NT5C3A: variants seen among roughly 807,000 people sequenced by gnomAD.
NT5C3A encodes the protein 5'-nucleotidase, cytosolic IIIA.
A neutral mutation model predicts 40.0 loss-of-function variants in NT5C3A; 23 were observed. The ratio of observed to expected loss-of-function variants is 0.58; its 90% CI spans 0.41 to 0.81. The LOEUF is 0.81. Ranked by LOEUF, NT5C3A falls within the 40% of genes least tolerant of loss-of-function variation. The pLI is 0.00. For missense variants in NT5C3A, 328 were observed against 403.0 expected, an observed-to-expected ratio of 0.81 and a Z score of 1.59; for synonymous variants, 130 against 141.4, an observed-to-expected ratio of 0.92 and a Z score of 0.57.
chr7:33,017,359 A>ATC, intron 7 of NT5C3A, 80 bp downstream of exon 7: 1 of 1,162,018 alleles, frequency 8.6e-7, no homozygotes, highest in Admixed American at 2.1e-5. Context: ...TAGGATATAT[A>ATC]TTAAGTAACA....
rs766464167 is a variant in NT5C3A at position 33,014,808 on chromosome 7, G to A, written c.918C>T (p.Tyr306=). The change falls in exon 9 of 9, where the codon TAC becomes TAT. Residue 306 remains tyrosine (Y), a synonymous_variant. Coordinates refer to ENST00000610140, the MANE Select transcript of NT5C3A (RefSeq NM_001002010.5). ...CTAAAACAATATCATAAGAGTCCAT[G>A]TACTTTTCTAAAAGCTCATCCACCT... ...NDRVDELLEK[Y]MDSYDIVLVQ... is the part of the protein sequence containing the mutation. 2 of 1,612,774 alleles carry A rather than the reference G, an allele frequency of 1.2e-6. No homozygotes were observed. The highest frequency in any genetic ancestry group is 1.7e-6 in the Non-Finnish European group (2 of 1,179,658).
intron 1 of NT5C3A, among the ~76,000 whole-genome samples, chr7:33,030,658 G>T (rs1033611799): frequency 2.0e-5 from 3 of 152,146 alleles, no homozygotes; most frequent in Non-Finnish European, 2.9e-5. Flanking sequence ...AAATGATTAA[G>T]AAAGACCTAA....
chr7:33,054,051 C>T (rs1300526817), intron 1 of NT5C3A, among the ~76,000 whole-genome samples: 1 of 74,010 alleles, frequency 1.4e-5, no homozygotes, highest in Admixed American at 1.5e-4. Context: ...TGAATATAGC[C>T]TTTGATAATG....
chr7:33,061,676 A>T (rs1787784508), intron 1 of NT5C3A, among the ~76,000 whole-genome samples: 1 of 152,146 alleles, frequency 6.6e-6, no homozygotes, highest in Non-Finnish European at 1.5e-5. Context: ...TTTAGTGTAG[A>T]TTTTAAATTT....
At chr7:33,042,309 A>G (rs1234714835) in intron 1 of NT5C3A, among the ~76,000 whole-genome samples, 2 of 152,166 alleles carry the variant, frequency 1.3e-5, no homozygotes, top group Non-Finnish European at 2.9e-5. Context: ...CAGCCCAGGC[A>G]ACAAGAGCAA....
rs1207971094 is a variant in NT5C3A, at chr7:33,039,563, T to TTTTTTTG, written c.139-12649_139-12648insCAAAAAA. On this transcript the variant is annotated intron_variant, in intron 1 of 8. Coordinates refer to ENST00000610140, the MANE Select transcript of NT5C3A (RefSeq NM_001002010.5). ...GACTTTCTTAAGCTTGGGTTTTTTG[T>TTTTTTTG]TTTTTTTTTTTTTTAATGTTACTGT... Among the ~76,000 whole-genome samples the TTTTTTTG allele has an allele frequency of 5.2e-5, 7 of 134,440 alleles. No homozygotes were observed. The South Asian group carries it at 9.2e-4, about 18-fold the overall frequency. The allele number at this position is 134,440 out of a possible 152,430, so 88.2% of individuals were successfully genotyped here.
intron 1 of NT5C3A, among the ~76,000 whole-genome samples, chr7:33,050,261 A>G (rs1192358842): frequency 6.6e-6 from 1 of 152,220 alleles, no homozygotes; most frequent in Non-Finnish European, 1.5e-5. Context: ...CACAGTGCCA[A>G]ATTAACCCAA....
At chr7:33,015,945 A>G in intron 7 of NT5C3A, 75 bp from the exon 8 acceptor site, 1 of 943,722 alleles carries the variant, frequency 1.1e-6, no homozygotes, top group Non-Finnish European at 1.7e-6. Flanking sequence ...GGAGCTCTTA[A>G]TTGATGTCAC....
At chr7:33,038,835 G>A (rs1211615602) in intron 1 of NT5C3A, 1 of 456,408 alleles carries the variant, frequency 2.2e-6, no homozygotes, top group Non-Finnish European at 4.4e-6. Context: ...ATGGTCATCT[G>A]TTGCAGATGC....
At position 33,062,712 on chromosome 7, in the gene NT5C3A, G is replaced by A; in HGVS notation, c.-7C>T. The A allele has an allele frequency of 6.4e-7, 1 of 1,559,026 alleles. No homozygotes were observed. Among genetic ancestry groups the A allele is most frequent in the Non-Finnish European group, 8.7e-7 (1 of 1,152,102 alleles). Reference sequence around the variant, plus strand: ...CCACGGCCGCGCGGTCCATGGACGGGGCCCTCATGCGCGTCCAAGCAGGAA... The same window carrying A: ...CCACGGCCGCGCGGTCCATGGACGGAGCCCTCATGCGCGTCCAAGCAGGAA... On this transcript the variant is annotated 5_prime_UTR_variant, in exon 1 of 9. Transcript: ENST00000610140.
intron 1 of NT5C3A, among the ~76,000 whole-genome samples, chr7:33,039,210 T>C (rs898630240): frequency 3.3e-5 from 5 of 152,142 alleles, no homozygotes; most frequent in African/African-American, 1.2e-4. Flanking sequence ...TTGATTGGTA[T>C]GTCTACATGA....
At chr7:33,016,314 C>CA (rs999222132) in intron 7 of NT5C3A, among the ~76,000 whole-genome samples, 1 of 143,708 alleles carries the variant, frequency 7.0e-6, no homozygotes, top group African/African-American at 2.6e-5. Context: ...GTGGAGGTTG[C>CA]AGTGAGCCAA....
At chr7:33,016,713 C>A (rs1223619625) in intron 7 of NT5C3A, among the ~76,000 whole-genome samples, 1 of 148,066 alleles carries the variant, frequency 6.8e-6, no homozygotes, top group Non-Finnish European at 1.5e-5. Flanking sequence ...GTTCAAAATT[C>A]AATTTTCAGT....
chr7:33,060,847 T>C (rs1252210380), intron 1 of NT5C3A, among the ~76,000 whole-genome samples: 1 of 152,146 alleles, frequency 6.6e-6, no homozygotes, highest in African/African-American at 2.4e-5. Flanking sequence ...AAGCAACCTA[T>C]TAAAATTAAA....
At chr7:33,062,468 C>T (rs750116461) in intron 1 of NT5C3A, 100 bp downstream of exon 1, 53 of 1,094,188 alleles carry the variant, frequency 4.8e-5, no homozygotes, top group Non-Finnish European at 6.1e-5. Flanking sequence ...CGGCAGCTCC[C>T]CGTCGCGACC....
chr7:33,038,267 G>A (rs1437034392), intron 1 of NT5C3A, among the ~76,000 whole-genome samples: 1 of 152,060 alleles, frequency 6.6e-6, no homozygotes, highest in Middle Eastern at 3.2e-3. Flanking sequence ...ACACAGTGAA[G>A]AATTAAACAC....
chr7:33,019,668 T>G lies in NT5C3A; in HGVS notation c.497A>C (p.Lys166Thr), dbSNP rs1189677566. 1 of 1,610,086 alleles carries G rather than the reference T, an allele frequency of 6.2e-7. No homozygotes were observed. Among genetic ancestry groups the G allele is most frequent in the Non-Finnish European group, 8.5e-7 (1 of 1,177,528 alleles). ...AACGTCAGATTCTGCCACAATTTCT[T>G]TAAGTTTAGCTTTTGGTAAAGCTTG... ...VQQALPKAKL[K>T]EIVAESDVML... The change falls in exon 6 of 9, where the codon AAA becomes ACA. Residue 166 changes from lysine to threonine, a missense_variant. Coordinates refer to ENST00000610140, the MANE Select transcript of NT5C3A (RefSeq NM_001002010.5).
At chr7:33,058,619 G>A (rs1215766623) in intron 1 of NT5C3A, among the ~76,000 whole-genome samples, 1 of 152,208 alleles carries the variant, frequency 6.6e-6, no homozygotes, top group Admixed American at 6.5e-5. Context: ...CCAAAGTGCT[G>A]GGATTACAGG....
chr7:33,052,746 T>C (rs1230186993), intron 1 of NT5C3A, among the ~76,000 whole-genome samples: 1 of 152,180 alleles, frequency 6.6e-6, no homozygotes, highest in Non-Finnish European at 1.5e-5. Context: ...TAGTAAGAAT[T>C]TTAATTGTTT....
Sources: gnomAD v4.1 joint callset for allele counts (sites outside exome capture counted in the v4.1 genomes callset) on GRCh38, gnomAD v4.1.1 for gene constraint, MANE v1.5 for transcripts, NCBI Gene and HGNC (gene_info 2026-07-23, HGNC 2026-07-21) for gene names.